MMD2: variants seen among roughly 807,000 people sequenced by gnomAD.
The protein encoded by MMD2 is monocyte to macrophage differentiation associated 2.
A neutral mutation model predicts 33.5 loss-of-function variants in MMD2; 30 were observed. The observed-to-expected ratio is 0.90, with a 90% CI of 0.67 to 1.22. MMD2 has a LOEUF of 1.22. MMD2 is among the 50% of genes most tolerant of loss of function. The pLI is 0.00. For synonymous variants in MMD2, 129 were observed against 123.0 expected, an observed-to-expected ratio of 1.05 and a Z score of -0.32; for missense variants, 364 against 325.4, an observed-to-expected ratio of 1.12 and a Z score of -0.91.
At chr7:4,949,965 C>T (rs1189703117) in intron 1 of MMD2, among the ~76,000 whole-genome samples, 2 of 152,126 alleles carry the variant, frequency 1.3e-5, no homozygotes, top group African/African-American at 4.8e-5. Flanking sequence ...TTACCATTTC[C>T]GGCTAGGTAT....
chr7:4,916,629 C>T (rs190577978), intron 3 of MMD2, among the ~76,000 whole-genome samples: 19 of 152,114 alleles, frequency 1.2e-4, no homozygotes, highest in African/African-American at 4.1e-4. Context: ...GTGATCCACC[C>T]GCCTCGGTCT....
intron 1 of MMD2, among the ~76,000 whole-genome samples, chr7:4,933,207 A>T (rs976825390): frequency 3.3e-5 from 5 of 151,446 alleles, no homozygotes; most frequent in East Asian, 3.9e-4. Context: ...ACAAAATATT[A>T]AAAAATTACC....
the MMD2 span, among the ~76,000 whole-genome samples, chr7:4,899,885 C>T: frequency 6.6e-6 from 1 of 152,128 alleles, no homozygotes; most frequent in South Asian, 2.1e-4. Flanking sequence ...GGATGTAGCA[C>T]CCTCCTCTTT....
rs1186990901 is a variant in MMD2, at chr7:4,911,225, G to A, written c.387C>T (p.Gly129=). The change falls in exon 5 of 7, where the codon GGC becomes GGT. Residue 129 remains glycine (G), a synonymous_variant. Transcript: ENST00000401401. ...YAPWLNLREL[G]PWASHMRWLV... is the part of the protein sequence containing the mutation. Reference sequence around the variant, plus strand: ...GCCAGCGCATGTGGGAGGCCCAGGGGCCCAGCTCCCGAAGGTTCAGCCTGG... The same window carrying A: ...GCCAGCGCATGTGGGAGGCCCAGGGACCCAGCTCCCGAAGGTTCAGCCTGG... The A allele has an allele frequency of 1.3e-6, 2 of 1,596,980 alleles. No individual in the cohort carries two copies. The highest frequency in any genetic ancestry group is 2.3e-5 in the South Asian group (2 of 87,910).
chr7:4,945,215 CTT>C (rs1562493877), intron 1 of MMD2, among the ~76,000 whole-genome samples: 1 of 143,168 alleles, frequency 7.0e-6, no homozygotes, highest in East Asian at 2.1e-4. Flanking sequence ...TCTTCTTCTT[CTT>C]CTTCTTCTTC....
downstream of MMD2, among the ~76,000 whole-genome samples, chr7:4,903,553 G>A (rs146944187): frequency 3.2e-3 from 482 of 152,320 alleles, 4 homozygotes; most frequent in African/African-American, 0.01. Context: ...TTCCCTGGCC[G>A]GGAGGCTGTC....
At chr7:4,930,718 G>A (rs544334298) in intron 1 of MMD2, among the ~76,000 whole-genome samples, 1 of 152,208 alleles carries the variant, frequency 6.6e-6, no homozygotes, top group African/African-American at 2.4e-5. Context: ...CGACAGCCAT[G>A]TGACGGTGGA....
intron 4 of MMD2, among the ~76,000 whole-genome samples, chr7:4,912,889 AG>A (rs1785051554): frequency 6.6e-6 from 1 of 152,028 alleles, no homozygotes. Context: ...TTTGTAGTAG[AG>A]ATGGGGTTTC....
downstream of MMD2, among the ~76,000 whole-genome samples, chr7:4,901,790 G>T (rs1056778582): frequency 6.6e-6 from 1 of 152,220 alleles, no homozygotes; most frequent in Non-Finnish European, 1.5e-5. Flanking sequence ...TGGCGGAGCC[G>T]GGGGAGCCTG....
chr7:4,908,574 C>T lies in MMD2; in HGVS notation c.538-975G>A, dbSNP rs1373958134. On this transcript the variant is annotated intron_variant, in intron 6 of 6. Transcript: ENST00000401401. ...ACAACAGCAAAAGGTGGAGGCAACC[C>T]AGGGGTCAGCCAAGGAATGAATGGA... Among the ~76,000 whole-genome samples, 7 of 152,004 alleles carry T rather than the reference C, an allele frequency of 4.6e-5. No homozygotes were observed. The East Asian group carries it at 1.4e-3, about 29-fold the overall frequency.
intron 1 of MMD2, among the ~76,000 whole-genome samples, chr7:4,936,202 G>GAAAAAAAAAAA (rs1235476308): frequency 7.0e-6 from 1 of 142,090 alleles, no homozygotes. Flanking sequence ...AAAAAAAAAG[G>GAAAAAAAAAAA]AAAAAAAAAT....
Position 4,920,237 on chromosome 7 carries a change from C to T in MMD2, c.224G>A (p.Gly75Asp). Residue 75 changes from glycine to aspartate, a missense_variant, in exon 3 of 7, where the codon GGC (glycine) becomes GAC (aspartate). Physicochemically the swap from Gly to Asp is moderately conservative, Grantham distance 94. Transcript: ENST00000401401. ...ETISAWIYGL[G>D]LCGLFVVSTV... ...GGACACCACGAAGAGGCCGCAGAGG[C>T]CGAGGCCGTAGATCCAGGCAGAGAT... 4.4e-6 allele frequency: 7 copies of T among 1,592,964 alleles called. No homozygotes were observed. The highest frequency in any genetic ancestry group is 6.0e-6 in the Non-Finnish European group (7 of 1,170,458).
chr7:4,897,137 G>A, the MMD2 span, among the ~76,000 whole-genome samples: 3 of 151,324 alleles, frequency 2.0e-5, no homozygotes, highest in Admixed American at 2.0e-4. Flanking sequence ...TGGGATTACA[G>A]GCATGAGCCA....
intron 1 of MMD2, among the ~76,000 whole-genome samples, chr7:4,954,680 A>T (rs1786337605): frequency 2.6e-5 from 4 of 152,148 alleles, no homozygotes; most frequent in African/African-American, 9.7e-5. Flanking sequence ...CGGCCTCCCA[A>T]AATGTTGGGA....
At chr7:4,935,661 G>C (rs1400605726) in intron 1 of MMD2, among the ~76,000 whole-genome samples, 1 of 121,554 alleles carries the variant, frequency 8.2e-6, no homozygotes, top group Non-Finnish European at 1.6e-5. Context: ...CTGAATAACA[G>C]AGCAAGACCC....
intron 4 of MMD2, among the ~76,000 whole-genome samples, chr7:4,911,529 C>A (rs938318807): frequency 1.3e-5 from 2 of 152,152 alleles, no homozygotes; most frequent in African/African-American, 4.8e-5. Context: ...ACAAGTAAAG[C>A]CTGTTTGGGG....
chr7:4,922,470 A>T (rs559350232), intron 2 of MMD2, among the ~76,000 whole-genome samples: 3 of 151,466 alleles, frequency 2.0e-5, no homozygotes, highest in South Asian at 2.1e-4. Flanking sequence ...GACTCCATTT[A>T]AAAAAAAATA....
intron 6 of MMD2, among the ~76,000 whole-genome samples, chr7:4,907,874 G>T (rs563557058): frequency 6.6e-6 from 1 of 152,086 alleles, no homozygotes; most frequent in Non-Finnish European, 1.5e-5. Context: ...TGGCACAAGC[G>T]TAGCTCACTG....
chr7:4,925,428 G>T, intron 2 of MMD2, 23 bp downstream of exon 2: 1 of 1,481,562 alleles, frequency 6.7e-7, no homozygotes, highest in Non-Finnish European at 9.0e-7. Context: ...TCTCAGCCCT[G>T]AGCCCCCCAA....
Sources: gnomAD v4.1 joint callset for allele counts (sites outside exome capture counted in the v4.1 genomes callset) on GRCh38, gnomAD v4.1.1 for gene constraint, MANE v1.5 for transcripts, NCBI Gene and HGNC (gene_info 2026-07-23, HGNC 2026-07-21) for gene names.